RBFOX1: variants seen among roughly 807,000 people sequenced by gnomAD.
RBFOX1 encodes the protein RNA binding fox-1 homolog 1.
Under a neutral mutation model 57.7 loss-of-function variants are expected in RBFOX1, and 8 were observed. The ratio of observed to expected loss-of-function variants is 0.14; its 90% CI spans 0.08 to 0.25. The LOEUF is 0.25. Among genes scored for constraint, RBFOX1 ranks in the 10% least tolerant of loss-of-function variants. The pLI, the probability that RBFOX1 is intolerant of heterozygous loss-of-function variation, is 1.00. For missense variants in RBFOX1, 611 were observed against 548.5 expected, an observed-to-expected ratio of 1.11 and a Z score of -1.14; for synonymous variants, 326 against 222.4, an observed-to-expected ratio of 1.47 and a Z score of -4.15.
intron 4 of RBFOX1, among the ~76,000 whole-genome samples, chr16:7,296,889 C>A (rs937380615): frequency 6.6e-6 from 1 of 152,186 alleles, no homozygotes; most frequent in Non-Finnish European, 1.5e-5. Flanking sequence ...CTTCCCTCTG[C>A]CCCTGAGTCC....
chr16:6,655,231 G>C (rs541125330), intron 3 of RBFOX1, among the ~76,000 whole-genome samples: 3 of 151,056 alleles, frequency 2.0e-5, no homozygotes, highest in Admixed American at 6.6e-5. Context: ...AAAATTAGCC[G>C]GGTGTGGTGG....
chr16:5,415,739 A>G lies in RBFOX1; in HGVS notation c.220-51477A>G, dbSNP rs517827. ...AATGTGTTTATGTAAAAAGGTGATT[A>G]TATTTAAAGAGAAAATATTAAGGAA... On this transcript the variant is annotated intron_variant, in intron 1 of 2. Transcript: ENST00000585867. 2.0e-5 allele frequency among the ~76,000 whole-genome samples: 3 copies of G among 152,024 alleles called. No individual in the cohort carries two copies. In the East Asian group the frequency reaches 5.8e-4, roughly 29 times the overall value.
chr16:5,885,965 C>G (rs116813351), intron 4 of RBFOX1, among the ~76,000 whole-genome samples: 2 of 152,104 alleles, frequency 1.3e-5, no homozygotes, highest in Non-Finnish European at 2.9e-5. Flanking sequence ...GGGTGGATTT[C>G]TCTGTTGCCA....
At chr16:7,003,741 A>G (rs187983647) in intron 3 of RBFOX1, among the ~76,000 whole-genome samples, 1 of 150,234 alleles carries the variant, frequency 6.7e-6, no homozygotes, top group Admixed American at 6.6e-5. Context: ...TATGTATTAG[A>G]AAAAAACATG....
chr16:7,234,299 A>G (rs1053401174), intron 4 of RBFOX1, among the ~76,000 whole-genome samples: 1 of 152,138 alleles, frequency 6.6e-6, no homozygotes, highest in African/African-American at 2.4e-5. Context: ...TCAGTGGTTT[A>G]TCTTCCAGTG....
intron 2 of RBFOX1, among the ~76,000 whole-genome samples, chr16:5,569,438 CTTTTTT>C (rs796279138): frequency 6.1e-5 from 3 of 49,180 alleles, no homozygotes; most frequent in Non-Finnish European, 8.0e-5. Flanking sequence ...AAGAAGTAAC[CTTTTTT>C]TTTTTTTTTT....
intron 6 of RBFOX1, among the ~76,000 whole-genome samples, chr16:7,586,810 A>T (rs570008149): frequency 6.6e-6 from 1 of 152,330 alleles, no homozygotes; most frequent in East Asian, 1.9e-4. Context: ...CCTAGATTTT[A>T]TGTGAGCTAG....
chr16:5,306,264 T>G (rs905354408), intron 1 of RBFOX1, among the ~76,000 whole-genome samples: 2 of 151,748 alleles, frequency 1.3e-5, no homozygotes, highest in Non-Finnish European at 2.9e-5. Flanking sequence ...GTGATTTGGA[T>G]AACAGTCCCT....
chr16:5,519,570 A>T (rs1330162966), intron 2 of RBFOX1, among the ~76,000 whole-genome samples: 1 of 152,178 alleles, frequency 6.6e-6, no homozygotes, highest in African/African-American at 2.4e-5. Flanking sequence ...TGAAAAATAA[A>T]AAAAATTATC....
intron 1 of RBFOX1, among the ~76,000 whole-genome samples, chr16:6,084,160 T>A (rs2096052828): frequency 6.6e-6 from 1 of 152,166 alleles, no homozygotes; most frequent in African/African-American, 2.4e-5. Context: ...GAGCAGTCAT[T>A]GAGAGAGCAC....
intron 4 of RBFOX1, among the ~76,000 whole-genome samples, chr16:7,182,506 T>C (rs1469169500): frequency 1.3e-5 from 2 of 152,208 alleles, no homozygotes; most frequent in Non-Finnish European, 2.9e-5. Flanking sequence ...TTTCTAGATA[T>C]TTTATGGTGA....
At chr16:5,769,857 C>G (rs1036168161) in intron 3 of RBFOX1, among the ~76,000 whole-genome samples, 2 of 152,140 alleles carry the variant, frequency 1.3e-5, no homozygotes, top group African/African-American at 4.8e-5. Context: ...GTTGTTTGAG[C>G]CACCCAATTT....
chr16:6,089,052 T>G (rs928318556), intron 1 of RBFOX1, among the ~76,000 whole-genome samples: 1 of 133,764 alleles, frequency 7.5e-6, no homozygotes, highest in Non-Finnish European at 1.6e-5. Flanking sequence ...GCCAACAGAG[T>G]GAAACTCTGT....
intron 5 of RBFOX1, among the ~76,000 whole-genome samples, chr16:7,567,255 A>ATATATATCCCTATATATATCCC (rs71150315): frequency 0.019 from 1,566 of 83,136 alleles, 66 homozygotes; most frequent in Non-Finnish European, 0.028. Context: ...ATATCCCTAT[A>ATATATATCCCTATATATATCCC]TATATATATC....
intron 2 of RBFOX1, among the ~76,000 whole-genome samples, chr16:6,532,572 T>G (rs1271370570): frequency 1.3e-5 from 2 of 152,188 alleles, no homozygotes; most frequent in South Asian, 2.1e-4. Context: ...TGCCATCCCC[T>G]TCATGGAGAT....
intron 3 of RBFOX1, among the ~76,000 whole-genome samples, chr16:6,849,008 G>A (rs1350002442): frequency 2.0e-5 from 3 of 152,314 alleles, no homozygotes; most frequent in African/African-American, 4.8e-5. Flanking sequence ...GCACGTTTAG[G>A]TAGTCCCACC....
At chr16:6,846,346 C>T (rs2093753888) in intron 3 of RBFOX1, among the ~76,000 whole-genome samples, 1 of 152,306 alleles carries the variant, frequency 6.6e-6, no homozygotes, top group Non-Finnish European at 1.5e-5. Context: ...TCAAGACTCA[C>T]TTAACGCAGG....
intron 3 of RBFOX1, among the ~76,000 whole-genome samples, chr16:6,830,241 A>C (rs1187693145): frequency 5.9e-5 from 9 of 152,208 alleles, no homozygotes. Flanking sequence ...AATGTGTGTG[A>C]AGACATCAGT....
At chr16:5,800,436 C>T (rs1189607434) in intron 3 of RBFOX1, among the ~76,000 whole-genome samples, 1 of 152,160 alleles carries the variant, frequency 6.6e-6, no homozygotes, top group South Asian at 2.1e-4. Flanking sequence ...AGGTTGTGAA[C>T]AGGCTCTGCA....
Sources: gnomAD v4.1 joint callset for allele counts (sites outside exome capture counted in the v4.1 genomes callset) on GRCh38, gnomAD v4.1.1 for gene constraint, MANE v1.5 for transcripts, NCBI Gene and HGNC (gene_info 2026-07-23, HGNC 2026-07-21) for gene names.